Variants in MROH2A observed in about 807,000 individuals in gnomAD.
MROH2A encodes maestro heat like repeat family member 2A, also known as maestro heat-like repeat-containing protein family member 2A.
Under a neutral mutation model 200.4 loss-of-function variants are expected in MROH2A, and 174 were observed. The ratio of observed to expected loss-of-function variants is 0.87; its 90% CI spans 0.77 to 0.98. The LOEUF (loss-of-function observed/expected upper bound fraction) is 0.98, where lower values mean the gene tolerates loss of function less well. Among genes scored for constraint, MROH2A ranks in the 50% least tolerant of loss-of-function variants. The probability of loss-of-function intolerance (pLI) is 0.00; values close to 1 mark genes in which losing one functional copy is unlikely to be tolerated. For missense variants in MROH2A, 2,045 were observed against 2,139.6 expected, an observed-to-expected ratio of 0.96 and a Z score of 0.87; for synonymous variants, 829 against 840.4, an observed-to-expected ratio of 0.99 and a Z score of 0.23.
At position 233,790,482 on chromosome 2, in the gene MROH2A, TCCCTCCC is replaced by T. The variant is rs1325828865; in HGVS notation, c.571+469_571+475del. Among the ~76,000 whole-genome samples, 6 of 41,354 alleles carry T rather than the reference TCCCTCCC, an allele frequency of 1.5e-4. 1 individual carries two copies. Among genetic ancestry groups the T allele is most frequent in the South Asian group, 1.3e-3 (1 of 758 alleles). 27.1% of individuals were successfully genotyped at this position (41,354 alleles called of 152,430 possible). A position where few individuals can be genotyped will look rare whatever the true frequency, so the allele number is the denominator to read the frequency against. On this transcript the variant is annotated intron_variant, in intron 5 of 41. Transcript: ENST00000389758. ...CCTTCCTCCCTCCCTCCTTCCTTCC[TCCCTCCC>T]TCCTTCCTTCCTTTCCTTTTTAATT...
At chr2:233,785,230 T>A (rs1403538305) in intron 3 of MROH2A, among the ~76,000 whole-genome samples, 1 of 151,786 alleles carries the variant, frequency 6.6e-6, no homozygotes, top group Non-Finnish European at 1.5e-5. Context: ...AAAGGACAGT[T>A]TATTGGCTGG....
intron 12 of MROH2A, among the ~76,000 whole-genome samples, chr2:233,799,058 A>G (rs768952135): frequency 2.0e-5 from 3 of 152,100 alleles, no homozygotes; most frequent in East Asian, 3.9e-4. Flanking sequence ...AGAGTTTTTG[A>G]GTGGTGTGTC....
chr2:233,792,730 C>A, intron 5 of MROH2A, 66 bp from the exon 6 acceptor site: 1 of 1,030,088 alleles, frequency 9.7e-7, no homozygotes, highest in Non-Finnish European at 1.5e-6. Context: ...CAGGGTTGTC[C>A]TCTCTGCCTT....
chr2:233,800,154 G>A (rs930626013), intron 13 of MROH2A, 51 bp from the exon 14 acceptor site: 8 of 1,380,950 alleles, frequency 5.8e-6, no homozygotes, highest in African/African-American at 2.9e-5. Flanking sequence ...CTGAGACCAC[G>A]ACAAACCTCT....
Position 233,807,675 on chromosome 2 carries a change from G to T in MROH2A, c.2173-58G>T. ...GTGTGCCTTGCACGTGTGTGTGTGG[G>T]ATCCTCCTCTGCCCACTGGCCCCTG... On this transcript the variant is annotated intron_variant, in intron 20 of 41. Coordinates refer to ENST00000389758, the MANE Select transcript of MROH2A (RefSeq NM_001394639.1). The surrounding 1 kb of genome is among the most constrained non-coding windows in gnomAD (Gnocchi z 4.3). 2 of 1,549,454 alleles carry T rather than the reference G, an allele frequency of 1.3e-6. No individual in the cohort carries two copies. Among genetic ancestry groups the T allele is most frequent in the Non-Finnish European group, 1.7e-6 (2 of 1,146,472 alleles).
chr2:233,807,291 G>A lies in MROH2A; in HGVS notation c.2053-132G>A. 10 of 1,023,150 alleles carry A rather than the reference G, an allele frequency of 9.8e-6. No individual in the cohort carries two copies. Among genetic ancestry groups the A allele is most frequent in the Non-Finnish European group, 1.2e-5 (9 of 726,150 alleles). 63.4% of individuals were successfully genotyped at this position (1,023,150 alleles called of 1,614,324 possible). A position where few individuals can be genotyped will look rare whatever the true frequency, so the allele number is the denominator to read the frequency against. On this transcript the variant is annotated intron_variant, in intron 19 of 41. Coordinates refer to ENST00000389758, the MANE Select transcript of MROH2A (RefSeq NM_001394639.1). This position sits in a 1 kb window ranked among gnomAD's most constrained non-coding sequence, Gnocchi z 4.3. Reference sequence around the variant, plus strand: ...TTTTGCACTTGTGAATTGTGCTGCTGTAAACGTGTGTGCAAGTATCTTCTG... The same window carrying A: ...TTTTGCACTTGTGAATTGTGCTGCTATAAACGTGTGTGCAAGTATCTTCTG...
intron 3 of MROH2A, among the ~76,000 whole-genome samples, chr2:233,788,969 AGAG>A (rs1701557796): frequency 1.5e-5 from 2 of 136,504 alleles, no homozygotes. Flanking sequence ...AAAAAAAAAA[AGAG>A]TAACTTGTCA....
chr2:233,811,834 C>T, intron 23 of MROH2A, 46 bp from the exon 24 acceptor site: 1 of 1,302,662 alleles, frequency 7.7e-7, no homozygotes, highest in Non-Finnish European at 1.1e-6. Flanking sequence ...AGTGCTGCCG[C>T]CATCATGGTC....
rs1368081405 is a variant in MROH2A at position 233,789,644 on chromosome 2, C to A, written c.408+16C>A. On this transcript the variant is annotated intron_variant, in intron 4 of 41. Coordinates refer to ENST00000389758, the MANE Select transcript of MROH2A (RefSeq NM_001394639.1). Reference sequence around the variant, plus strand: ...GATCCCAGAGGTAGGACCCCAAGCTCCATCGGTGCCTTCCCTCTGCCAGCC... The same window carrying A: ...GATCCCAGAGGTAGGACCCCAAGCTACATCGGTGCCTTCCCTCTGCCAGCC... 6.9e-7 allele frequency: 1 copy of A among 1,451,628 alleles called. No individual in the cohort carries two copies. Among genetic ancestry groups the A allele is most frequent in the African/African-American group, 1.4e-5 (1 of 69,954 alleles). The allele number at this position is 1,451,628 out of a possible 1,614,324, so 89.9% of individuals were successfully genotyped here.
intron 41 of MROH2A, 87 bp from the exon 42 acceptor site, chr2:233,833,051 C>T: frequency 6.9e-7 from 1 of 1,440,438 alleles, no homozygotes; most frequent in Non-Finnish European, 9.2e-7. Flanking sequence ...CTTCTGCGGC[C>T]CTTGCCTGCC....
intron 37 of MROH2A, 105 bp downstream of exon 37, chr2:233,829,177 G>T (rs1258789481): frequency 3.6e-6 from 4 of 1,117,806 alleles, no homozygotes; most frequent in African/African-American, 3.2e-5. Context: ...CGAGGCTCCT[G>T]CTGGGTGTCA....
intron 3 of MROH2A, among the ~76,000 whole-genome samples, chr2:233,783,383 G>C (rs1240134408): frequency 6.6e-6 from 1 of 151,996 alleles, no homozygotes; most frequent in African/African-American, 2.4e-5. Flanking sequence ...TTTTATTACT[G>C]TCAATCTCAT....
intron 24 of MROH2A, 101 bp downstream of exon 24, chr2:233,812,060 C>A: frequency 1.2e-6 from 1 of 817,374 alleles, no homozygotes. Flanking sequence ...TTTTCCTCTC[C>A]TCCCTCTGTA....
Position 233,828,489 on chromosome 2 carries a change from G to A in MROH2A, c.4114-141G>A. On this transcript the variant is annotated intron_variant, in intron 35 of 41. Transcript: ENST00000389758. The surrounding 1 kb of genome is among the most constrained non-coding windows in gnomAD (Gnocchi z 4.6). ...GTACTAGCATCACCCGCTTTTTATAGAGAGGAAACGGAGGCTCTCAGAGCC... is the reference window on the plus strand; with the variant it reads ...GTACTAGCATCACCCGCTTTTTATAAAGAGGAAACGGAGGCTCTCAGAGCC... The A allele has an allele frequency of 9.7e-7, 1 of 1,032,584 alleles. No homozygotes were observed. The highest frequency in any genetic ancestry group is 1.4e-6 in the Non-Finnish European group (1 of 719,964). The allele number at this position is 1,032,584 out of a possible 1,614,324, so 64.0% of individuals were successfully genotyped here.
At chr2:233,792,770 T>A in intron 5 of MROH2A, 26 bp from the exon 6 acceptor site, 1 of 1,453,080 alleles carries the variant, frequency 6.9e-7, no homozygotes, top group South Asian at 1.2e-5. Flanking sequence ...CCCAACTTCC[T>A]GTAATCATCC....
chr2:233,821,591 A>T (rs1403695081), intron 31 of MROH2A, among the ~76,000 whole-genome samples: 1 of 152,226 alleles, frequency 6.6e-6, no homozygotes, highest in Non-Finnish European at 1.5e-5. Context: ...CCTGGGGGAC[A>T]TCCCTTCTCA....
At chr2:233,824,425 C>T (rs1704168300) in intron 35 of MROH2A, among the ~76,000 whole-genome samples, 1 of 152,158 alleles carries the variant, frequency 6.6e-6, no homozygotes. Flanking sequence ...TTCTTCAGGC[C>T]CCTCCCTGTG....
intron 8 of MROH2A, 65 bp downstream of exon 8, chr2:233,794,571 T>A: frequency 1.2e-6 from 1 of 851,286 alleles, no homozygotes; most frequent in Non-Finnish European, 1.9e-6. Context: ...CCCAAGTGTT[T>A]AAAGGGGATG....
At chr2:233,809,847 C>T (rs896917563) in intron 22 of MROH2A, among the ~76,000 whole-genome samples, 2 of 152,086 alleles carry the variant, frequency 1.3e-5, no homozygotes, top group Non-Finnish European at 2.9e-5. Flanking sequence ...TGCCATCTGT[C>T]TCCAGAATTC....
Sources: allele counts gnomAD v4.1 joint callset (sites outside exome capture counted in the v4.1 genomes callset), GRCh38; gene constraint gnomAD v4.1.1; non-coding constraint Gnocchi (gnomAD v3.1); transcripts MANE v1.5; gene names NCBI Gene and HGNC (gene_info 2026-07-23, HGNC 2026-07-21).